The following PLCB4 variants were observed in gnomAD, a reference collection of about 807,000 sequenced individuals.
PLCB4 encodes 1-phosphatidylinositol 4,5-bisphosphate phosphodiesterase beta-4.
In PLCB4, 77 loss-of-function variants were observed where a neutral mutation model predicts 178.8. That is an observed-to-expected ratio of 0.43 (90% CI 0.36 to 0.52). The LOEUF is 0.52. Among genes scored for constraint, PLCB4 ranks in the 20% least tolerant of loss-of-function variants. The probability of loss-of-function intolerance (pLI) is 0.00; values close to 1 mark genes in which losing one functional copy is unlikely to be tolerated. For synonymous variants in PLCB4, 496 were observed against 490.8 expected (o/e 1.01, Z -0.14); for missense variants, 1,024 against 1,453.4 (o/e 0.70, Z 4.80).
At chr20:9,204,982 T>C (rs972360692) in intron 2 of PLCB4, among the ~76,000 whole-genome samples, 3 of 152,260 alleles carry the variant, frequency 2.0e-5, no homozygotes, top group Non-Finnish European at 4.4e-5. Context: ...TAAAATTCTA[T>C]GTATACTGAG....
intron 2 of PLCB4, among the ~76,000 whole-genome samples, chr20:9,108,697 C>CA (rs2091460446): frequency 6.7e-6 from 1 of 148,246 alleles, no homozygotes; most frequent in Admixed American, 6.7e-5. Flanking sequence ...ATATAGCAGC[C>CA]AAAAAAGAAA....
chr20:9,162,991 C>T (rs976616869), intron 2 of PLCB4, among the ~76,000 whole-genome samples: 1 of 151,934 alleles, frequency 6.6e-6, no homozygotes, highest in African/African-American at 2.4e-5. Context: ...CTTACCATGG[C>T]CAATTTTAAG....
intron 2 of PLCB4, among the ~76,000 whole-genome samples, chr20:9,121,141 T>A (rs1232748843): frequency 6.6e-6 from 1 of 152,080 alleles, no homozygotes; most frequent in Admixed American, 6.5e-5. Context: ...CCTGTCAATT[T>A]CCAGAAGGCA....
At chr20:9,337,280 G>A in intron 5 of PLCB4, 74 bp downstream of exon 5, 1 of 992,672 alleles carries the variant, frequency 1.0e-6, no homozygotes, top group Admixed American at 1.7e-5. Flanking sequence ...CAAGTAGACT[G>A]AGTGCTGTTG....
At position 9,247,699 on chromosome 20, in the gene PLCB4, G is replaced by A. The variant is rs532033485; in HGVS notation, c.-16+30247G>A. Among the ~76,000 whole-genome samples the A allele has an allele frequency of 4.6e-5, 7 of 152,252 alleles. No homozygotes were observed. The South Asian group carries it at 8.3e-4, about 18-fold the overall frequency. Reference sequence around the variant, plus strand: ...CTTCCAAAGGGGCTTGAGGTAGATTGGGTTCTGAAACAAAGTGCAGAATAG... The same window carrying A: ...CTTCCAAAGGGGCTTGAGGTAGATTAGGTTCTGAAACAAAGTGCAGAATAG... On this transcript the variant is annotated intron_variant, in intron 3 of 39. Transcript: ENST00000378473.
intron 4 of PLCB4, among the ~76,000 whole-genome samples, chr20:9,335,373 A>C (rs796749381): frequency 1.7e-4 from 26 of 152,230 alleles, no homozygotes; most frequent in African/African-American, 5.8e-4. Context: ...CCACACAAAC[A>C]AATTTCTAAT....
intron 2 of PLCB4, among the ~76,000 whole-genome samples, chr20:9,204,854 T>C (rs1161680582): frequency 1.3e-5 from 2 of 151,870 alleles, no homozygotes; most frequent in African/African-American, 4.8e-5. Flanking sequence ...TAATTTGAAT[T>C]GAGATGTGTT....
At chr20:9,225,820 A>G (rs1341654768) in intron 3 of PLCB4, among the ~76,000 whole-genome samples, 1 of 152,222 alleles carries the variant, frequency 6.6e-6, no homozygotes, top group Non-Finnish European at 1.5e-5. Context: ...TTTTTGATAT[A>G]TCAATAAAAT....
At chr20:9,150,022 G>A (rs60229872) in intron 2 of PLCB4, among the ~76,000 whole-genome samples, 4,124 of 152,264 alleles carry the variant, frequency 0.027, 154 homozygotes, top group African/African-American at 0.088. Context: ...TCCAGCTGAG[G>A]GAATTTTCCA....
At chr20:9,103,782 A>G (rs1306053117) in intron 2 of PLCB4, among the ~76,000 whole-genome samples, 3 of 152,186 alleles carry the variant, frequency 2.0e-5, no homozygotes, top group African/African-American at 4.8e-5. Flanking sequence ...AACTATTTCT[A>G]TCTAGTTAAT....
At chr20:9,437,303 C>G (rs1271554168) in intron 30 of PLCB4, 151 bp downstream of exon 30, 6 of 675,052 alleles carry the variant, frequency 8.9e-6, no homozygotes. Flanking sequence ...TCCCCACTCT[C>G]TTCCAGACCC....
chr20:9,221,520 A>G (rs1421607977), intron 3 of PLCB4, among the ~76,000 whole-genome samples: 2 of 152,148 alleles, frequency 1.3e-5, no homozygotes, highest in East Asian at 1.9e-4. Flanking sequence ...TCCACATTCC[A>G]TCTTCCTCCT....
At chr20:9,098,765 A>AT (rs1255913861) in intron 2 of PLCB4, among the ~76,000 whole-genome samples, 101 of 90,800 alleles carry the variant, frequency 1.1e-3, no homozygotes, top group African/African-American at 3.2e-3. Flanking sequence ...GTGTGTGTGT[A>AT]TATATATATG....
At chr20:9,426,592 A>C (rs1602613528) in intron 28 of PLCB4, among the ~76,000 whole-genome samples, 1 of 151,892 alleles carries the variant, frequency 6.6e-6, no homozygotes, top group Non-Finnish European at 1.5e-5. Context: ...GGCCAGGCTG[A>C]TCTTGAACTT....
rs75163211 is a variant in PLCB4, at chr20:9,173,213, G to T, written c.-78-44177G>T. Among the ~76,000 whole-genome samples, 33 of 152,306 alleles carry T rather than the reference G, an allele frequency of 2.2e-4. No individual in the cohort carries two copies. The East Asian group carries it at 4.0e-3, about 19-fold the overall frequency. ...TTTATCCATCCTGTGTCCTTAGTTA[G>T]ATGCATCGCATGATTGGACCTACTC... On this transcript the variant is annotated intron_variant, in intron 2 of 39. Transcript: ENST00000378473.
rs182252253 is a variant in PLCB4, at chr20:9,316,678, C to A, written c.84+8780C>A. On this transcript the variant is annotated intron_variant, in intron 4 of 39. Transcript: ENST00000378473. Reference sequence around the variant, plus strand: ...GCACACACTTTTCTTGTCAGCACAGCTGTGTGACTTCTTCCTGATGTGAGA... The same window carrying A: ...GCACACACTTTTCTTGTCAGCACAGATGTGTGACTTCTTCCTGATGTGAGA... Among the ~76,000 whole-genome samples, 3 of 152,312 alleles carry A rather than the reference C, an allele frequency of 2.0e-5. No homozygotes were observed. In the East Asian group the frequency reaches 5.8e-4, roughly 29 times the overall value.
chr20:9,467,414 A>C (rs1342652378), intron 35 of PLCB4, among the ~76,000 whole-genome samples: 1 of 151,846 alleles, frequency 6.6e-6, no homozygotes, highest in African/African-American at 2.4e-5. Context: ...GCACCCTAGA[A>C]CTTAAAGTAT....
At chr20:9,434,789 T>A (rs1272260952) in intron 28 of PLCB4, among the ~76,000 whole-genome samples, 1 of 152,196 alleles carries the variant, frequency 6.6e-6, no homozygotes, top group African/African-American at 2.4e-5. Context: ...TATCCTAAGA[T>A]TGTAATTAGG....
intron 1 of PLCB4, among the ~76,000 whole-genome samples, chr20:9,070,125 C>T (rs546874657): frequency 4.6e-5 from 7 of 151,964 alleles, no homozygotes; most frequent in South Asian, 2.1e-4. Flanking sequence ...CTGGAAATAA[C>T]GTTATTCAAA....
Sources: gnomAD v4.1 joint callset for allele counts (sites outside exome capture counted in the v4.1 genomes callset) on GRCh38, gnomAD v4.1.1 for gene constraint, MANE v1.5 for transcripts, NCBI Gene and HGNC (gene_info 2026-07-23, HGNC 2026-07-21) for gene names.